The following NMNAT2 variants were observed in gnomAD, a reference collection of about 807,000 sequenced individuals.
NMNAT2 encodes nicotinamide nucleotide adenylyltransferase 2, also known as nicotinamide/nicotinic acid mononucleotide adenylyltransferase 2.
Under a neutral mutation model 41.6 loss-of-function variants are expected in NMNAT2, and 11 were observed. That is an observed-to-expected ratio of 0.26 (90% confidence interval 0.17 to 0.44). NMNAT2 has a LOEUF of 0.44. Ranked by LOEUF, NMNAT2 falls within the 20% of genes least tolerant of loss-of-function variation. The pLI, the probability that NMNAT2 is intolerant of heterozygous loss-of-function variation, is 1.00. For synonymous variants in NMNAT2, 148 were observed against 151.2 expected (o/e 0.98, Z 0.16); for missense variants, 288 against 407.7 (o/e 0.71, Z 2.53).
intron 5 of NMNAT2, among the ~76,000 whole-genome samples, chr1:183,286,425 A>T (rs183207116): frequency 6.6e-6 from 1 of 152,110 alleles, no homozygotes; most frequent in East Asian, 1.9e-4. Flanking sequence ...AGAAGAGTGC[A>T]CACCACCACC....
intron 1 of NMNAT2, among the ~76,000 whole-genome samples, chr1:183,372,440 A>G (rs930563845): frequency 3.3e-5 from 5 of 152,164 alleles, no homozygotes; most frequent in African/African-American, 1.2e-4. Flanking sequence ...GAAGCAAGAC[A>G]CCAAGACAGA....
In NMNAT2 at chr1:183,339,882, T is replaced by C. The variant is rs755824888; in HGVS notation, c.86-46089A>G. Among the ~76,000 whole-genome samples the C allele has an allele frequency of 3.7e-4, 57 of 152,032 alleles. No homozygotes were observed. The Middle Eastern group carries it at 0.014, about 36-fold the overall frequency. On this transcript the variant is annotated intron_variant, in intron 1 of 10. Coordinates refer to ENST00000287713, the MANE Select transcript of NMNAT2 (RefSeq NM_015039.4). ...CTCAGGTGGGTGTTGGAAGCATTCA[T>C]GAATGCCTGGAACCACAGGCATGTA... is the stretch of plus-strand genomic sequence containing the variant.
intron 1 of NMNAT2, among the ~76,000 whole-genome samples, chr1:183,323,579 G>T (rs1662399906): frequency 6.6e-6 from 1 of 152,176 alleles, no homozygotes; most frequent in Non-Finnish European, 1.5e-5. Context: ...AAAAGATTTG[G>T]AAATCTGAGA....
In NMNAT2 at chr1:183,286,656, C is replaced by T; in HGVS notation, c.448+6G>A. 6.2e-7 allele frequency: 1 copy of T among 1,604,436 alleles called. No homozygotes were observed. Among genetic ancestry groups the T allele is most frequent in the Non-Finnish European group, 8.5e-7 (1 of 1,175,064 alleles). ...GTCTGAGAATCACACATCAGTGTTC[C>T]CCTACCTGCAGTGGGCTTGGTGGCC... On this transcript the variant is annotated splice_donor_region_variant and intron_variant, in intron 5 of 10. Coordinates refer to ENST00000287713, the MANE Select transcript of NMNAT2 (RefSeq NM_015039.4).
chr1:183,308,305 T>C (rs1203356839), intron 1 of NMNAT2, among the ~76,000 whole-genome samples: 1 of 152,190 alleles, frequency 6.6e-6, no homozygotes, highest in Non-Finnish European at 1.5e-5. Flanking sequence ...TGACACTGAT[T>C]AGTGCCCGTG....
chr1:183,256,815 G>C (rs1006085662), intron 10 of NMNAT2, among the ~76,000 whole-genome samples: 7 of 152,050 alleles, frequency 4.6e-5, no homozygotes, highest in African/African-American at 1.7e-4. Context: ...AGCAGCGCAT[G>C]ATCTCAGTTC....
intron 1 of NMNAT2, among the ~76,000 whole-genome samples, chr1:183,382,649 T>A (rs2811565): frequency 0.69 from 104,928 of 152,088 alleles, 36,462 homozygotes; most frequent in East Asian, 0.91. Flanking sequence ...CATCCAAAAC[T>A]AAGATTCTAT....
Position 183,278,601 on chromosome 1 carries a change from A to G in NMNAT2, c.603T>C (p.Ser201=), listed in dbSNP as rs1323091280. 1 of 1,613,988 alleles carries G rather than the reference A, an allele frequency of 6.2e-7. No homozygotes were observed. Among genetic ancestry groups the G allele is most frequent in the East Asian group, 2.2e-5 (1 of 44,882 alleles). Residue 201 remains serine (S), a synonymous_variant, in exon 8 of 11, where the codon AGT becomes AGC. Coordinates refer to ENST00000287713, the MANE Select transcript of NMNAT2 (RefSeq NM_015039.4). The part of the protein sequence containing the change: ...IELRILLLCG[S]DLLESFCIPG... The stretch of plus-strand genomic sequence containing the variant: ...GGATGCAGAAGGACTCCAGCAGGTC[A>G]CTACCACACAGCAGCAGGATCCGTA...
Position 183,327,926 on chromosome 1 carries a change from C to T in NMNAT2, c.86-34133G>A, listed in dbSNP as rs7512144. Among the ~76,000 whole-genome samples, 418 of 152,234 alleles carry T rather than the reference C, an allele frequency of 2.7e-3. 4 individuals are homozygous for T. Among genetic ancestry groups the T allele is most frequent in the African/African-American group, 9.0e-3 (374 of 41,514 alleles). ...GGGTTTCAGAGGAGCTGGCACTGAA[C>T]ACTGCTCTTTCTCACTTGACATCCT... On this transcript the variant is annotated intron_variant, in intron 1 of 10. Coordinates refer to ENST00000287713, the MANE Select transcript of NMNAT2 (RefSeq NM_015039.4).
intron 3 of NMNAT2, 122 bp downstream of exon 3, chr1:183,292,668 T>A (rs758514265): frequency 8.5e-5 from 73 of 854,288 alleles, no homozygotes; most frequent in Non-Finnish European, 1.2e-4. Context: ...AAGGCTAATA[T>A]CTTGCCCCTG....
At chr1:183,346,154 C>T (rs1252018414) in intron 1 of NMNAT2, among the ~76,000 whole-genome samples, 1 of 152,184 alleles carries the variant, frequency 6.6e-6, no homozygotes, top group African/African-American at 2.4e-5. Context: ...TTCAGCTGGA[C>T]TGTTTATTAG....
chr1:183,408,983 A>C (rs1649041691), intron 1 of NMNAT2, among the ~76,000 whole-genome samples: 1 of 152,202 alleles, frequency 6.6e-6, no homozygotes, highest in South Asian at 2.1e-4. Context: ...TCATGGATGT[A>C]GTTTCATCTC....
At chr1:183,256,408 CA>C (rs1301812450) in intron 10 of NMNAT2, among the ~76,000 whole-genome samples, 1 of 151,450 alleles carries the variant, frequency 6.6e-6, no homozygotes, top group Non-Finnish European at 1.5e-5. Flanking sequence ...GACTCCATCT[CA>C]AAAAAAATAA....
intron 7 of NMNAT2, among the ~76,000 whole-genome samples, chr1:183,279,389 A>G (rs1661203924): frequency 6.6e-6 from 1 of 152,096 alleles, no homozygotes; most frequent in Non-Finnish European, 1.5e-5. Context: ...GAGAGTCCTC[A>G]CCCAGGATGT....
intron 7 of NMNAT2, chr1:183,283,743 G>A: frequency 1.9e-6 from 1 of 514,994 alleles, no homozygotes; most frequent in Non-Finnish European, 3.6e-6. Context: ...GGAGGGAGTG[G>A]AGGCTCTGAA....
chr1:183,388,182 T>C (rs1648317872), intron 1 of NMNAT2, among the ~76,000 whole-genome samples: 1 of 152,176 alleles, frequency 6.6e-6, no homozygotes, highest in South Asian at 2.1e-4. Context: ...ACCATGGACC[T>C]AACCATTAGG....
At chr1:183,408,890 T>C (rs535855829) in intron 1 of NMNAT2, among the ~76,000 whole-genome samples, 1 of 152,354 alleles carries the variant, frequency 6.6e-6, no homozygotes, top group East Asian at 1.9e-4. Flanking sequence ...AGTCTTCTTT[T>C]AAAGATCTTG....
At chr1:183,267,952 G>A (rs1279395876) in intron 8 of NMNAT2, among the ~76,000 whole-genome samples, 1 of 152,100 alleles carries the variant, frequency 6.6e-6, no homozygotes, top group African/African-American at 2.4e-5. Context: ...GGCATATGTC[G>A]AGCCTCAGAG....
Position 183,354,278 on chromosome 1 carries a change from G to A in NMNAT2, c.86-60485C>T, listed in dbSNP as rs555253471. Among the ~76,000 whole-genome samples the A allele has an allele frequency of 4.1e-4, 62 of 152,138 alleles. 1 individual carries two copies. The highest frequency in any genetic ancestry group is 3.4e-3 in the Middle Eastern group (1 of 294). On this transcript the variant is annotated intron_variant, in intron 1 of 10. Coordinates refer to ENST00000287713, the MANE Select transcript of NMNAT2 (RefSeq NM_015039.4). ...GGCGAAAGAGATGAGAGAGGAGGAAGGACAATGAGTAAGGTTAGATAAAAA... is the reference window on the plus strand; with the variant it reads ...GGCGAAAGAGATGAGAGAGGAGGAAAGACAATGAGTAAGGTTAGATAAAAA...
Sources: gnomAD v4.1 joint callset for allele counts (sites outside exome capture counted in the v4.1 genomes callset) on GRCh38, gnomAD v4.1.1 for gene constraint, MANE v1.5 for transcripts, NCBI Gene and HGNC (gene_info 2026-07-23, HGNC 2026-07-21) for gene names.